PRKACB: variants seen among roughly 807,000 people sequenced by gnomAD.
PRKACB encodes protein kinase cAMP-activated catalytic subunit beta.
PRKACB carries 16 observed loss-of-function variants against 51.4 expected under a neutral mutation model. That is an observed-to-expected ratio of 0.31 (90% CI 0.21 to 0.47). The LOEUF (loss-of-function observed/expected upper bound fraction) is 0.47, where lower values mean the gene tolerates loss of function less well. Ranked by LOEUF, PRKACB falls within the 20% of genes least tolerant of loss-of-function variation. The pLI is 1.00. For missense variants in PRKACB, 309 were observed against 464.5 expected, an observed-to-expected ratio of 0.67 and a Z score of 3.08; for synonymous variants, 147 against 154.4, an observed-to-expected ratio of 0.95 and a Z score of 0.35.
chr1:84,081,013 C>A (rs1647489753), intron 1 of PRKACB, among the ~76,000 whole-genome samples: 1 of 152,004 alleles, frequency 6.6e-6, no homozygotes, highest in Non-Finnish European at 1.5e-5. Context: ...ACCTGAAAGG[C>A]AAAAATACAA....
intron 5 of PRKACB, among the ~76,000 whole-genome samples, chr1:84,186,598 A>G (rs181308451): frequency 6.3e-4 from 96 of 152,244 alleles, no homozygotes; most frequent in African/African-American, 2.2e-3. Context: ...AGGTATGATG[A>G]GAATGACTAA....
chr1:84,102,345 C>G (rs1571585092), intron 1 of PRKACB, among the ~76,000 whole-genome samples: 1 of 152,132 alleles, frequency 6.6e-6, no homozygotes, highest in Middle Eastern at 3.4e-3. Flanking sequence ...CGAGATTGCG[C>G]CACTGCACTC....
chr1:84,177,667 A>G (rs1033111405), intron 1 of PRKACB, among the ~76,000 whole-genome samples: 15 of 152,018 alleles, frequency 9.9e-5, no homozygotes, highest in Non-Finnish European at 2.2e-4. Flanking sequence ...GCTTGAGCCT[A>G]GTAGTCTGAG....
chr1:84,112,600 A>T (rs1401143954), intron 1 of PRKACB, among the ~76,000 whole-genome samples: 1 of 152,146 alleles, frequency 6.6e-6, no homozygotes, highest in African/African-American at 2.4e-5. Context: ...CAGTCTTCTC[A>T]TCCATTCCAT....
At chr1:84,229,840 T>C (rs1675298943) in intron 9 of PRKACB, among the ~76,000 whole-genome samples, 1 of 152,148 alleles carries the variant, frequency 6.6e-6, no homozygotes, top group Admixed American at 6.5e-5. Flanking sequence ...TAGCCCTTTG[T>C]CAGATGAGTA....
chr1:84,078,591 C>T (rs1237565709), intron 1 of PRKACB, among the ~76,000 whole-genome samples: 1 of 152,212 alleles, frequency 6.6e-6, no homozygotes, highest in Non-Finnish European at 1.5e-5. Context: ...TGTGGGGATC[C>T]TGGGAAGAGC....
At chr1:84,141,017 G>A (rs185160179), upstream of PRKACB, among the ~76,000 whole-genome samples, 8 of 152,148 alleles carry the variant, frequency 5.3e-5, no homozygotes, top group Admixed American at 5.2e-4. Context: ...AAAGTGCTTG[G>A]TAAATGTGTC....
chr1:84,202,311 T>C (rs1054419496), intron 7 of PRKACB, among the ~76,000 whole-genome samples: 17 of 152,068 alleles, frequency 1.1e-4, no homozygotes, highest in African/African-American at 4.1e-4. Context: ...ATCTGTTTCA[T>C]AAGATTATGG....
intron 9 of PRKACB, among the ~76,000 whole-genome samples, chr1:84,230,637 A>C (rs1675473160): frequency 6.6e-6 from 1 of 151,210 alleles, no homozygotes; most frequent in Admixed American, 6.6e-5. Flanking sequence ...CTCCTTGAAG[A>C]GGTCCTTCAC....
At chr1:84,125,494 T>A (rs1427700164) in intron 1 of PRKACB, among the ~76,000 whole-genome samples, 4 of 152,204 alleles carry the variant, frequency 2.6e-5, no homozygotes, top group African/African-American at 9.7e-5. Flanking sequence ...CAGTTAGGCA[T>A]ATATTGAAAC....
chr1:84,182,163 C>T (rs775036025), intron 2 of PRKACB, 37 bp from the exon 3 acceptor site: 119 of 1,366,996 alleles, frequency 8.7e-5, no homozygotes, highest in Middle Eastern at 7.4e-4. Context: ...AGTGTTTTTA[C>T]GAGAATTTTA....
intron 1 of PRKACB, among the ~76,000 whole-genome samples, chr1:84,081,415 T>C (rs1040718640): frequency 6.6e-6 from 1 of 152,182 alleles, no homozygotes; most frequent in African/African-American, 2.4e-5. Flanking sequence ...GGAAATTGTA[T>C]TGATGTATCT....
intron 4 of PRKACB, among the ~76,000 whole-genome samples, chr1:84,184,406 G>T (rs1166984985): frequency 6.6e-6 from 1 of 151,808 alleles, no homozygotes; most frequent in African/African-American, 2.4e-5. Context: ...AAACCATAGG[G>T]ATATCTTAAT....
At chr1:84,136,736 A>G (rs1652864176) in intron 1 of PRKACB, among the ~76,000 whole-genome samples, 1 of 152,222 alleles carries the variant, frequency 6.6e-6, no homozygotes, top group African/African-American at 2.4e-5. Context: ...TGAAAACTGC[A>G]CATTATAGCT....
intron 1 of PRKACB, among the ~76,000 whole-genome samples, chr1:84,135,706 A>G (rs116475286): frequency 0.012 from 1,784 of 152,276 alleles, 41 homozygotes; most frequent in African/African-American, 0.039. Flanking sequence ...AAAATATTTT[A>G]AGCTAAATGA....
At chr1:84,199,561 A>G (rs1180469488) in intron 7 of PRKACB, among the ~76,000 whole-genome samples, 3 of 152,182 alleles carry the variant, frequency 2.0e-5, no homozygotes, top group Admixed American at 1.3e-4. Context: ...ATTGGTGGAC[A>G]TGTAGGTTGA....
chr1:84,084,995 G>C (rs191607151), intron 1 of PRKACB, among the ~76,000 whole-genome samples: 83 of 152,198 alleles, frequency 5.5e-4, no homozygotes, highest in African/African-American at 2.0e-3. Flanking sequence ...AGAAACTATG[G>C]AAACTATAAC....
upstream of PRKACB, among the ~76,000 whole-genome samples, chr1:84,142,779 T>C (rs1253231195): frequency 6.6e-6 from 1 of 152,216 alleles, no homozygotes; most frequent in East Asian, 1.9e-4. Context: ...ACACAAAGTA[T>C]ACACAAATGA....
intron 1 of PRKACB, among the ~76,000 whole-genome samples, chr1:84,113,164 A>G (rs1650368611): frequency 6.6e-6 from 1 of 152,188 alleles, no homozygotes; most frequent in African/African-American, 2.4e-5. Context: ...TTTTTAATTC[A>G]CCAGATTAGC....
Sources: allele counts gnomAD v4.1 joint callset (sites outside exome capture counted in the v4.1 genomes callset), GRCh38; gene constraint gnomAD v4.1.1; transcripts MANE v1.5; gene names NCBI Gene and HGNC (gene_info 2026-07-23, HGNC 2026-07-21).